Variants in MAPRE2 observed in about 807,000 individuals in gnomAD.
MAPRE2 encodes the protein microtubule-associated protein RP/EB family member 2.
In MAPRE2, 13 loss-of-function variants were observed where a neutral mutation model predicts 43.2. The observed-to-expected ratio is 0.30, with a 90% CI of 0.20 to 0.48. MAPRE2 has a LOEUF of 0.48. Among genes scored for constraint, MAPRE2 ranks in the 20% least tolerant of loss-of-function variants. The pLI is 0.99. For missense variants in MAPRE2, 161 were observed against 400.2 expected (o/e 0.40, Z 5.10); for synonymous variants, 135 against 148.8 (o/e 0.91, Z 0.68).
chr18:35,119,644 G>T (rs561975375), intron 4 of MAPRE2, among the ~76,000 whole-genome samples: 74 of 152,322 alleles, frequency 4.9e-4, no homozygotes, highest in African/African-American at 1.8e-3. Flanking sequence ...TGGAATGGAA[G>T]GAACCTATGC....
rs548686576 is a variant in MAPRE2, at chr18:35,061,471, G to C, written c.123-8724G>C. On this transcript the variant is annotated intron_variant, in intron 1 of 6. Transcript: ENST00000300249. ...TCCGTGCTCACACCCCTGCCACATG[G>C]AGAGGCCCGGCCGCAGGGAGGGTCT... Among the ~76,000 whole-genome samples, 13 of 152,280 alleles carry C rather than the reference G, an allele frequency of 8.5e-5. No individual in the cohort carries two copies. The East Asian group carries it at 2.5e-3, about 29-fold the overall frequency.
intron 2 of MAPRE2, among the ~76,000 whole-genome samples, chr18:35,073,472 A>G (rs1907205669): frequency 2.0e-5 from 3 of 152,074 alleles, no homozygotes; most frequent in Admixed American, 1.3e-4. Flanking sequence ...GTTTATTTCA[A>G]TTTTTTTAGT....
At chr18:35,016,147 G>T (rs2097038094) in intron 2 of MAPRE2, among the ~76,000 whole-genome samples, 1 of 151,848 alleles carries the variant, frequency 6.6e-6, no homozygotes, top group Non-Finnish European at 1.5e-5. Flanking sequence ...TTTTATGGCT[G>T]CGTAGTATTT....
chr18:35,076,226 C>G (rs9959460), intron 2 of MAPRE2, among the ~76,000 whole-genome samples: 4,367 of 152,250 alleles, frequency 0.029, 199 homozygotes, highest in African/African-American at 0.1. Flanking sequence ...GGGCTAGGCC[C>G]TGGGGACCCA....
At chr18:35,001,277 C>T (rs1014534871) in intron 1 of MAPRE2, among the ~76,000 whole-genome samples, 3 of 152,032 alleles carry the variant, frequency 2.0e-5, no homozygotes, top group Admixed American at 6.6e-5. Context: ...TTTGGGAGGC[C>T]GAGGCAGGCA....
At chr18:35,101,585 A>G (rs767265530) in intron 3 of MAPRE2, among the ~76,000 whole-genome samples, 8 of 152,136 alleles carry the variant, frequency 5.3e-5, no homozygotes, top group African/African-American at 1.9e-4. Context: ...CTCCATGCCT[A>G]TGAATTCGCT....
intron 4 of MAPRE2, among the ~76,000 whole-genome samples, chr18:35,111,310 T>G (rs922070087): frequency 6.6e-6 from 1 of 152,198 alleles, no homozygotes. Context: ...TGCCTACCTT[T>G]TCATTCATTA....
chr18:35,126,830 T>A (rs1909924974), intron 4 of MAPRE2, 118 bp from the exon 5 acceptor site: 1 of 798,950 alleles, frequency 1.3e-6, no homozygotes, highest in East Asian at 2.6e-5. Context: ...TGGGAAGGGA[T>A]CACTGGAGGT....
intron 1 of MAPRE2, among the ~76,000 whole-genome samples, chr18:34,980,031 CTTTTTTTT>C (rs796434537): frequency 2.0e-4 from 9 of 46,152 alleles, no homozygotes; most frequent in African/African-American, 5.3e-4. Context: ...TTCTTTTTTT[CTTTTTTTT>C]TTTTTTTTTT....
intron 1 of MAPRE2, among the ~76,000 whole-genome samples, chr18:35,055,565 ATG>A (rs35542955): frequency 8.3e-5 from 6 of 72,542 alleles, no homozygotes; most frequent in South Asian, 4.4e-4. Context: ...GTGTGTGTGT[ATG>A]TGTGTGTGTG....
chr18:34,981,712 A>G (rs2097016286), intron 1 of MAPRE2, among the ~76,000 whole-genome samples: 1 of 152,104 alleles, frequency 6.6e-6, no homozygotes, highest in Non-Finnish European at 1.5e-5. Context: ...CTCCTGGATT[A>G]TTGACTCCTT....
chr18:35,097,103 C>G (rs1908461347), intron 2 of MAPRE2, among the ~76,000 whole-genome samples: 1 of 152,126 alleles, frequency 6.6e-6, no homozygotes, highest in Non-Finnish European at 1.5e-5. Flanking sequence ...TTTCTTTTCT[C>G]TGGTAGAAGC....
intron 4 of MAPRE2, among the ~76,000 whole-genome samples, chr18:35,116,800 C>T (rs955137572): frequency 2.6e-5 from 4 of 152,178 alleles, no homozygotes; most frequent in Non-Finnish European, 1.5e-5. Context: ...GGGTTAGAGT[C>T]AGGTCACGGG....
chr18:34,985,777 G>T (rs1292620072), intron 1 of MAPRE2, among the ~76,000 whole-genome samples: 1 of 99,874 alleles, frequency 1.0e-5, no homozygotes, highest in Non-Finnish European at 2.3e-5. Context: ...TTACATATTT[G>T]TTTAATACCT....
At chr18:35,093,587 A>G (rs1412512310) in intron 2 of MAPRE2, among the ~76,000 whole-genome samples, 1 of 152,234 alleles carries the variant, frequency 6.6e-6, no homozygotes, top group East Asian at 1.9e-4. Context: ...GTTTAGTCAT[A>G]TAAAAAAATG....
In MAPRE2 at chr18:35,041,443, A is replaced by T; in HGVS notation, c.-97A>T. The T allele has an allele frequency of 1.3e-6, 2 of 1,596,592 alleles. No individual in the cohort carries two copies. Among genetic ancestry groups the T allele is most frequent in the Admixed American group, 1.7e-5 (1 of 58,732 alleles). On this transcript the variant is annotated 5_prime_UTR_variant, in exon 1 of 7. Coordinates refer to ENST00000300249, the MANE Select transcript of MAPRE2 (RefSeq NM_014268.4). The stretch of plus-strand genomic sequence containing the variant: ...GGCAGTGAGCGAGCAGGCGGCAGGC[A>T]CGGTCCGTGCGGAGCAGGCGAGCGA...
intron 2 of MAPRE2, among the ~76,000 whole-genome samples, chr18:35,075,783 GA>G (rs1259143040): frequency 6.6e-6 from 1 of 152,124 alleles, no homozygotes; most frequent in Non-Finnish European, 1.5e-5. Flanking sequence ...TAATGGTGGG[GA>G]GGGGTCTAGC....
At chr18:35,124,933 A>G (rs1217259476) in intron 4 of MAPRE2, among the ~76,000 whole-genome samples, 1 of 152,152 alleles carries the variant, frequency 6.6e-6, no homozygotes, top group Non-Finnish European at 1.5e-5. Flanking sequence ...ATGGGCTTCA[A>G]CAGAGCTGAA....
intron 2 of MAPRE2, among the ~76,000 whole-genome samples, chr18:35,008,137 T>C (rs920026428): frequency 1.3e-5 from 2 of 152,148 alleles, no homozygotes; most frequent in African/African-American, 4.8e-5. Context: ...TCCAAATCTG[T>C]TCCTGCACCA....
Sources: allele counts gnomAD v4.1 joint callset (sites outside exome capture counted in the v4.1 genomes callset), GRCh38; gene constraint gnomAD v4.1.1; transcripts MANE v1.5; gene names NCBI Gene and HGNC (gene_info 2026-07-23, HGNC 2026-07-21).